Variants in ZNF469 observed in about 807,000 individuals in gnomAD.
The protein encoded by ZNF469 is zinc finger protein 469.
A neutral mutation model predicts 1.0 loss-of-function variants in ZNF469; 1 was observed. The ratio of observed to expected loss-of-function variants is 1.00; its 90% CI spans 0.35 to 4.73. The LOEUF (loss-of-function observed/expected upper bound fraction) is 4.73. Among genes scored for constraint, ZNF469 ranks in the 30% most tolerant of loss-of-function variants. The probability of loss-of-function intolerance (pLI) is 0.16; values close to 1 mark genes in which losing one functional copy is unlikely to be tolerated. For missense variants in ZNF469, 6,100 were observed against 5,356.3 expected (o/e 1.14, Z -4.33); for synonymous variants, 2,703 against 2,363.4 (o/e 1.14, Z -4.17).
chr16:88,433,116 C>T lies in ZNF469; in HGVS notation c.5646C>T (p.Ala1882=). The change falls in exon 3 of 3, where the codon GCC becomes GCT. Residue 1882 remains alanine, a synonymous_variant. Coordinates refer to ENST00000565624, the MANE Select transcript of ZNF469 (RefSeq NM_001367624.2). ...GGTTGGTCCCTGTGCCAAGTCCCGC[C>T]TGTGTATCCAACACCCACCCTAGCA... ...EAWLVPVPSP[A]CVSNTHPSRR... 2 of 1,550,352 alleles carry T rather than the reference C, an allele frequency of 1.3e-6. No homozygotes were observed. The highest frequency in any genetic ancestry group is 1.7e-6 in the Non-Finnish European group (2 of 1,146,958).
At chr16:88,297,342 G>A in the ZNF469 span, among the ~76,000 whole-genome samples, 4 of 152,194 alleles carry the variant, frequency 2.6e-5, no homozygotes, top group African/African-American at 7.2e-5. Context: ...AGTCAAAGAC[G>A]GGTGCGTGCA....
chr16:88,399,205 G>C (rs1287602683), intron 1 of ZNF469, among the ~76,000 whole-genome samples: 1 of 152,246 alleles, frequency 6.6e-6, no homozygotes. Context: ...GCAGTCATCT[G>C]AGGCTGGGCC....
chr16:88,415,088 C>T (rs1047618954), intron 1 of ZNF469, among the ~76,000 whole-genome samples: 4 of 152,240 alleles, frequency 2.6e-5, no homozygotes, highest in African/African-American at 9.6e-5. Flanking sequence ...TGGAAAAGTC[C>T]CTTCCCCTCT....
At chr16:88,312,174 A>AC in the ZNF469 span, among the ~76,000 whole-genome samples, 1 of 152,138 alleles carries the variant, frequency 6.6e-6, no homozygotes, top group South Asian at 2.1e-4. Context: ...GGGGGAAACC[A>AC]CCCCCATGAT....
the ZNF469 span, among the ~76,000 whole-genome samples, chr16:88,281,784 T>C: frequency 0.026 from 3,868 of 151,284 alleles, 77 homozygotes; most frequent in Non-Finnish European, 0.042. Flanking sequence ...GCCACACCGA[T>C]GCTTGGTCAG....
chr16:88,249,423 C>CTTTTTTGTTTTTTTTTTTTTT, the ZNF469 span, among the ~76,000 whole-genome samples: 1 of 61,754 alleles, frequency 1.6e-5, no homozygotes, highest in Admixed American at 2.4e-4. Context: ...CTTTCTTTTT[C>CTTTTTTGTTTTTTTTTTTTTT]TTTTTCTTTT....
chr16:88,155,262 C>T, the ZNF469 span, among the ~76,000 whole-genome samples: 6 of 152,182 alleles, frequency 3.9e-5, no homozygotes, highest in East Asian at 3.8e-4. Flanking sequence ...GTGTGTGCAG[C>T]CCCCTGCTGA....
chr16:88,338,539 G>A, the ZNF469 span, among the ~76,000 whole-genome samples: 1 of 152,182 alleles, frequency 6.6e-6, no homozygotes, highest in Non-Finnish European at 1.5e-5. Context: ...GAACCACAGA[G>A]CCCCCAAGCC....
At chr16:88,280,216 C>A in the ZNF469 span, among the ~76,000 whole-genome samples, 4 of 151,550 alleles carry the variant, frequency 2.6e-5, no homozygotes, top group African/African-American at 9.7e-5. Context: ...CATCAGTGCA[C>A]GGTTAGTACT....
At chr16:88,413,754 G>C (rs1055117284) in intron 1 of ZNF469, among the ~76,000 whole-genome samples, 3 of 152,164 alleles carry the variant, frequency 2.0e-5, no homozygotes, top group African/African-American at 7.2e-5. Flanking sequence ...AGGACCCAGG[G>C]ACATCCCAGC....
At chr16:88,195,728 G>A in the ZNF469 span, among the ~76,000 whole-genome samples, 4 of 152,212 alleles carry the variant, frequency 2.6e-5, no homozygotes, top group East Asian at 3.9e-4. Flanking sequence ...GGGGTGTCCC[G>A]AGATGCAAAG....
the ZNF469 span, among the ~76,000 whole-genome samples, chr16:88,366,926 A>G: frequency 2.6e-5 from 4 of 152,096 alleles, no homozygotes; most frequent in African/African-American, 9.7e-5. Context: ...CATCAAGACC[A>G]TCATCATTAT....
At chr16:88,136,636 C>G in the ZNF469 span, among the ~76,000 whole-genome samples, 1 of 152,266 alleles carries the variant, frequency 6.6e-6, no homozygotes, top group Non-Finnish European at 1.5e-5. Context: ...TTGCTAATTA[C>G]TCAAAGAGGA....
the ZNF469 span, among the ~76,000 whole-genome samples, chr16:88,189,096 C>A: frequency 3.3e-5 from 5 of 152,240 alleles, no homozygotes; most frequent in East Asian, 7.7e-4. The surrounding 1 kb of genome is among the most constrained non-coding windows in gnomAD (Gnocchi z 4.3). Flanking sequence ...TATACACTGG[C>A]CTTCTGTAGA....
chr16:88,371,823 C>A, the ZNF469 span, among the ~76,000 whole-genome samples: 2 of 152,192 alleles, frequency 1.3e-5, no homozygotes, highest in South Asian at 4.1e-4. Context: ...CCATCACTAT[C>A]ATCACCACCA....
At chr16:88,219,351 C>T in the ZNF469 span, among the ~76,000 whole-genome samples, 2 of 139,608 alleles carry the variant, frequency 1.4e-5, no homozygotes, top group Admixed American at 7.2e-5. Context: ...AGGCATCACA[C>T]TACCTGACTT....
At chr16:88,224,338 G>T in the ZNF469 span, among the ~76,000 whole-genome samples, 2 of 152,228 alleles carry the variant, frequency 1.3e-5, no homozygotes, top group African/African-American at 4.8e-5. Context: ...ACACAGCACC[G>T]CGGGGCCCCG....
the ZNF469 span, among the ~76,000 whole-genome samples, chr16:88,220,936 G>C: frequency 6.6e-6 from 1 of 152,172 alleles, no homozygotes; most frequent in African/African-American, 2.4e-5. Context: ...CACCTGCCCT[G>C]TACAGGGAGC....
chr16:88,277,242 C>T, the ZNF469 span, among the ~76,000 whole-genome samples: 1 of 151,472 alleles, frequency 6.6e-6, no homozygotes, highest in African/African-American at 2.4e-5. Flanking sequence ...GACGCTCAGT[C>T]AGTACCGTGT....
Sources: allele counts gnomAD v4.1 joint callset (sites outside exome capture counted in the v4.1 genomes callset), GRCh38; gene constraint gnomAD v4.1.1; non-coding constraint Gnocchi (gnomAD v3.1); transcripts MANE v1.5; gene names NCBI Gene and HGNC (gene_info 2026-07-23, HGNC 2026-07-21).